Variants in CACNA1H observed in about 807,000 individuals in gnomAD.
The protein encoded by CACNA1H is calcium voltage-gated channel subunit alpha1 H, also known as voltage-dependent T-type calcium channel subunit alpha-1H.
In CACNA1H, 149 loss-of-function variants were observed where a neutral mutation model predicts 192.5. That is an observed-to-expected ratio of 0.77 (90% confidence interval 0.68 to 0.89). The LOEUF (loss-of-function observed/expected upper bound fraction) is 0.89. Among genes scored for constraint, CACNA1H ranks in the 40% least tolerant of loss-of-function variants. The pLI is 0.00. For missense variants in CACNA1H, 4,257 were observed against 3,423.5 expected (o/e 1.24, Z -6.08); for synonymous variants, 2,202 against 1,475.2 (o/e 1.49, Z -11.29).
chr16:1,187,264 C>A (rs1207018130), intron 2 of CACNA1H, among the ~76,000 whole-genome samples: 4 of 152,244 alleles, frequency 2.6e-5, no homozygotes, highest in African/African-American at 9.6e-5. Context: ...GAGGGAGCGG[C>A]CTCAGCCTTG....
At chr16:1,177,535 G>C (rs1567460901) in intron 2 of CACNA1H, among the ~76,000 whole-genome samples, 1 of 152,304 alleles carries the variant, frequency 6.6e-6, no homozygotes, top group East Asian at 1.9e-4. Flanking sequence ...CGAGCTCCAA[G>C]TGAGAAATGG....
At chr16:1,195,344 TG>T (rs1251088303) in intron 3 of CACNA1H, 87 bp from the exon 4 acceptor site, 49 of 1,220,620 alleles carry the variant, frequency 4.0e-5, no homozygotes, top group Non-Finnish European at 4.9e-5. Flanking sequence ...GTGGCAAGAC[TG>T]GGGGCCGGGC....
At chr16:1,210,329 C>T (rs1047461732) in intron 18 of CACNA1H, 41 bp from the exon 19 acceptor site, 27 of 1,408,416 alleles carry the variant, frequency 1.9e-5, no homozygotes, top group South Asian at 6.3e-5. Context: ...CTGCCATCCA[C>T]GCCGCCCCGC....
intron 26 of CACNA1H, 125 bp from the exon 27 acceptor site, chr16:1,213,655 C>T: frequency 1.6e-6 from 1 of 638,370 alleles, no homozygotes; most frequent in South Asian, 2.5e-5. Context: ...GCCCCATCTT[C>T]ACATGAGCCG....
At chr16:1,215,219 G>T (rs1198982729) in intron 28 of CACNA1H, 23 bp from the exon 29 acceptor site, 1 of 1,593,718 alleles carries the variant, frequency 6.3e-7, no homozygotes, top group Non-Finnish European at 8.5e-7. Flanking sequence ...CCAGACGTGT[G>T]CGCTGAGCCT....
chr16:1,172,645 C>A (rs780157626), intron 2 of CACNA1H, among the ~76,000 whole-genome samples: 1 of 152,230 alleles, frequency 6.6e-6, no homozygotes, highest in African/African-American at 2.4e-5. Flanking sequence ...ATTAAAGCAG[C>A]CGCTTTCCCA....
chr16:1,168,577 C>T (rs150933592), intron 2 of CACNA1H, among the ~76,000 whole-genome samples: 516 of 152,006 alleles, frequency 3.4e-3, no homozygotes, highest in African/African-American at 0.011. Flanking sequence ...CAGGTGGGGT[C>T]GTGGTGGGGA....
At position 1,201,667 on chromosome 16, in the gene CACNA1H, G is replaced by C; in HGVS notation, c.1217G>C (p.Gly406Ala). 1 of 1,594,592 alleles carries C rather than the reference G, an allele frequency of 6.3e-7. No homozygotes were observed. Among genetic ancestry groups the C allele is most frequent in the Non-Finnish European group, 8.6e-7 (1 of 1,168,690 alleles). ...FIYFILLIIV[G>A]SFFMINLCLV... is the part of the protein sequence containing the mutation. ...ACCCGCCCGCCCCCGTCACAGGTGG[G>C]CTCCTTCTTCATGATCAACCTGTGC... The change falls in exon 9 of 35, where the codon GGC becomes GCC. Residue 406 changes from glycine to alanine, a missense_variant. Gly to Ala is a moderately conservative substitution (Grantham distance 60). Transcript: ENST00000348261.
intron 2 of CACNA1H, among the ~76,000 whole-genome samples, chr16:1,166,797 G>A (rs554344175): frequency 6.6e-6 from 1 of 152,208 alleles, no homozygotes; most frequent in Non-Finnish European, 1.5e-5. Flanking sequence ...CCCTCATGTA[G>A]ACGGGCTGCG....
intron 2 of CACNA1H, among the ~76,000 whole-genome samples, chr16:1,182,491 C>T (rs996279259): frequency 3.3e-5 from 5 of 152,162 alleles, no homozygotes; most frequent in African/African-American, 7.2e-5. Context: ...CTCCTGTGAC[C>T]CGCGGCGCCG....
rs1364943155 is a variant in CACNA1H, at chr16:1,204,142, G to T, written c.2135G>T (p.Gly712Val). ...YCTRALEDPE[G>V]ELSGSESGDS... ...ACCCGTGCCCTGGAGGACCCGGAGGGTGAGCTCAGCGGCTCGGAAAGTGGA... is the reference window on the plus strand; with the variant it reads ...ACCCGTGCCCTGGAGGACCCGGAGGTTGAGCTCAGCGGCTCGGAAAGTGGA... The change falls in exon 10 of 35, where the codon GGT (glycine) becomes GTT (valine). Residue 712 changes from glycine (G) to valine (V), a missense_variant. Coordinates refer to ENST00000348261, the MANE Select transcript of CACNA1H (RefSeq NM_021098.3). 4.3e-6 allele frequency: 7 copies of T among 1,612,470 alleles called. No individual in the cohort carries two copies. The highest frequency in any genetic ancestry group is 5.9e-6 in the Non-Finnish European group (7 of 1,179,762).
At position 1,216,918 on chromosome 16, in the gene CACNA1H, T is replaced by C; in HGVS notation, c.5245-14T>C. 1 of 1,595,778 alleles carries C rather than the reference T, an allele frequency of 6.3e-7. No individual in the cohort carries two copies. The highest frequency in any genetic ancestry group is 1.3e-5 in the African/African-American group (1 of 74,794). On this transcript the variant is annotated splice_polypyrimidine_tract_variant and intron_variant, in intron 30 of 34. Coordinates refer to ENST00000348261, the MANE Select transcript of CACNA1H (RefSeq NM_021098.3). ...CCCGCCCGTCTGACCCAGCTCTGCT[T>C]CTCTCTTGTGTAGGTGGGGAACCTG... is the stretch of plus-strand genomic sequence containing the variant.
At chr16:1,184,966 T>C (rs1400132314) in intron 2 of CACNA1H, among the ~76,000 whole-genome samples, 1 of 152,194 alleles carries the variant, frequency 6.6e-6, no homozygotes, top group Non-Finnish European at 1.5e-5. Flanking sequence ...CTTCGTGTTG[T>C]TGAACCATCA....
At chr16:1,203,089 G>A (rs773201455) in intron 9 of CACNA1H, among the ~76,000 whole-genome samples, 32 of 152,140 alleles carry the variant, frequency 2.1e-4, no homozygotes, top group Non-Finnish European at 3.4e-4. Flanking sequence ...CCCGTGGTGG[G>A]GAGAGGTGCG....
chr16:1,207,238 C>T (rs766707059), intron 13 of CACNA1H, 37 bp from the exon 14 acceptor site: 1 of 1,571,922 alleles, frequency 6.4e-7, no homozygotes, highest in Non-Finnish European at 8.6e-7. Flanking sequence ...CATTTCGGGG[C>T]TGGGGTGACC....
At chr16:1,157,066 C>T (rs571847326) in intron 2 of CACNA1H, 44 of 152,328 alleles carry the variant, frequency 2.9e-4, no homozygotes, top group African/African-American at 1.0e-3. Context: ...TATGTGCTGC[C>T]CGGACTCCCG....
chr16:1,158,812 A>C (rs1008970312), intron 2 of CACNA1H, among the ~76,000 whole-genome samples: 1 of 151,602 alleles, frequency 6.6e-6, no homozygotes, highest in African/African-American at 2.4e-5. Context: ...CCGGCCCCGC[A>C]GGGCGCCACT....
Position 1,206,292 on chromosome 16 carries a change from G to A in CACNA1H, c.2789+3G>A. On this transcript the variant is annotated splice_donor_region_variant and intron_variant, in intron 12 of 34. Coordinates refer to ENST00000348261, the MANE Select transcript of CACNA1H (RefSeq NM_021098.3). ...ATGCTCTTCATTTTCATCTTCAGGTGGGCGCAACCCCCCTCCCGGCCCGCC... is the reference window on the plus strand; with the variant it reads ...ATGCTCTTCATTTTCATCTTCAGGTAGGCGCAACCCCCCTCCCGGCCCGCC... The A allele has an allele frequency of 4.5e-6, 7 of 1,552,502 alleles. No homozygotes were observed. Among genetic ancestry groups the A allele is most frequent in the Non-Finnish European group, 6.1e-6 (7 of 1,148,864 alleles).
intron 30 of CACNA1H, 99 bp downstream of exon 30, chr16:1,215,692 T>G: frequency 1.0e-6 from 1 of 958,692 alleles, no homozygotes; most frequent in Non-Finnish European, 1.6e-6. Context: ...GTTTCTCTGG[T>G]CCCTCGGTTG....
Sources: allele counts gnomAD v4.1 joint callset (sites outside exome capture counted in the v4.1 genomes callset), GRCh38; gene constraint gnomAD v4.1.1; transcripts MANE v1.5; gene names NCBI Gene and HGNC (gene_info 2026-07-23, HGNC 2026-07-21).